The following DMD variants were observed in gnomAD, a reference collection of about 807,000 sequenced individuals.
The protein encoded by DMD is dystrophin, also known as mutant dystrophin.
In DMD, 63 loss-of-function variants were observed where a neutral mutation model predicts 330.1. That is an observed-to-expected ratio of 0.19 (90% CI 0.16 to 0.24). The LOEUF (loss-of-function observed/expected upper bound fraction) is 0.24. Ranked by LOEUF, DMD falls within the 10% of genes least tolerant of loss-of-function variation. The pLI, the probability that DMD is intolerant of heterozygous loss-of-function variation, is 1.00. For synonymous variants in DMD, 1,223 were observed against 959.8 expected (o/e 1.27, Z -5.07); for missense variants, 3,344 against 2,684.1 (o/e 1.25, Z -5.43).
chrX:31,756,146 C>G (rs748463419), intron 51 of DMD, among the ~76,000 whole-genome samples: 5 of 110,894 alleles, frequency 4.5e-5, no homozygotes, highest in Non-Finnish European at 9.4e-5. Flanking sequence ...TCATTGCCTC[C>G]CACCCTCTGG....
At chrX:32,799,259 T>C (rs977415176) in intron 7 of DMD, among the ~76,000 whole-genome samples, 1 of 110,975 alleles carries the variant, frequency 9.0e-6, no homozygotes, top group Non-Finnish European at 1.9e-5. Flanking sequence ...GAAGTCAAAA[T>C]AAAGGGGATT....
At chrX:31,337,157 T>A (rs2057452142) in intron 61 of DMD, among the ~76,000 whole-genome samples, 1 of 109,985 alleles carries the variant, frequency 9.1e-6, no homozygotes, top group South Asian at 3.9e-4. Flanking sequence ...ACTCCTGACC[T>A]CGTGATCCGC....
At chrX:33,133,127 A>T (rs989334494) in intron 1 of DMD, among the ~76,000 whole-genome samples, 1 of 103,191 alleles carries the variant, frequency 9.7e-6, no homozygotes, top group African/African-American at 4.2e-5. Flanking sequence ...GTAGTGGTTA[A>T]AAAAAAAGCA....
chrX:32,602,518 T>C (rs1276319806), intron 12 of DMD, among the ~76,000 whole-genome samples: 1 of 111,756 alleles, frequency 8.9e-6, no homozygotes, highest in African/African-American at 3.2e-5. Context: ...AATATAGTTG[T>C]GAAATTCAGT....
chrX:31,260,174 C>T (rs949349793), intron 63 of DMD, among the ~76,000 whole-genome samples: 1 of 111,316 alleles, frequency 9.0e-6, no homozygotes, highest in Non-Finnish European at 1.9e-5. Flanking sequence ...CCCAGGGGTT[C>T]GAGGCTGCAA....
chrX:32,625,416 T>C (rs1336376461), intron 11 of DMD, among the ~76,000 whole-genome samples: 1 of 111,470 alleles, frequency 9.0e-6, no homozygotes, highest in East Asian at 2.8e-4. Context: ...GCTGCAATAT[T>C]GGACAGCACA....
intron 1 of DMD, among the ~76,000 whole-genome samples, chrX:33,054,060 A>G (rs182590079): frequency 9.5e-4 from 106 of 112,049 alleles, no homozygotes; most frequent in African/African-American, 3.3e-3. Context: ...AGTTTGAAGA[A>G]GGGAACGTGG....
chrX:31,499,056 G>C (rs1016284496), intron 56 of DMD, among the ~76,000 whole-genome samples: 2 of 111,731 alleles, frequency 1.8e-5, no homozygotes, highest in African/African-American at 6.5e-5. Context: ...GTCCCTTTGA[G>C]AGTGAAAAGA....
rs1365572889 is a variant in DMD at position 31,121,626 on chromosome X, A to ATAAC, written c.*289_*292dup. The ATAAC allele has an allele frequency of 5.6e-6, 2 of 355,385 alleles. No individual in the cohort carries two copies. The highest frequency in any genetic ancestry group is 6.5e-5 in the South Asian group (1 of 15,364). 29.3% of individuals were successfully genotyped at this position (355,385 alleles called of 1,213,427 possible). A position where few individuals can be genotyped will look rare whatever the true frequency, so the allele number is the denominator to read the frequency against. On this transcript the variant is annotated 3_prime_UTR_variant, in exon 79 of 79. Transcript: ENST00000357033. ...TCAAGATTTTACATGTAGTTTTCTT[A>ATAAC]TAACTTTTTTGTACAATTGCATAGA...
At position 32,411,863 on chromosome X, in the gene DMD, C is replaced by G. The variant is rs1368774604; in HGVS notation, c.4122G>C (p.Glu1374Asp). The G allele has an allele frequency of 8.3e-7, 1 of 1,210,984 alleles. No homozygotes were observed. Among genetic ancestry groups the G allele is most frequent in the South Asian group, 1.8e-5 (1 of 56,942 alleles). Reference protein sequence around the residue: ...LLEQSIQSAQETEKSLHLIQE... With the variant: ...LLEQSIQSAQDTEKSLHLIQE... ...GGATTAAGTGTAAGGATTTTTCAGT[C>G]TCCTGGGCAGACTGGATGCTCTGTT... The change falls in exon 30 of 79, where the codon GAG becomes GAC. Residue 1374 changes from glutamate (E) to aspartate (D), a missense_variant. Coordinates refer to ENST00000357033, the MANE Select transcript of DMD (RefSeq NM_004006.3).
chrX:31,968,470 T>C lies in DMD; in HGVS notation c.6483A>G (p.Thr2161=), dbSNP rs776054222. The change falls in exon 45 of 79, where the codon ACA becomes ACG. Residue 2161 remains threonine, a synonymous_variant. Transcript: ENST00000357033. ...TTATTTCTTCCCCAGTTGCATTCAA[T>C]GTTCTGACAACAGTTTGCCGCTGCC... ...GIGQRQTVVR[T]LNATGEEIIQ... is the part of the protein sequence containing the mutation. The C allele has an allele frequency of 1.5e-5, 18 of 1,209,290 alleles. No individual in the cohort carries two copies. The highest frequency in any genetic ancestry group is 2.0e-5 in the Non-Finnish European group (18 of 894,656).
rs73219235 is a variant in DMD, at chrX:32,176,115, A to G, written c.6438+40801T>C. ...GAATGCTTTGCCCCTACATCATTACATGGCTGACTCTAGTTTGTCCATCAG... is the reference window on the plus strand; with the variant it reads ...GAATGCTTTGCCCCTACATCATTACGTGGCTGACTCTAGTTTGTCCATCAG... On this transcript the variant is annotated intron_variant, in intron 44 of 78. Coordinates refer to ENST00000357033, the MANE Select transcript of DMD (RefSeq NM_004006.3). 6.3e-3 allele frequency among the ~76,000 whole-genome samples: 710 copies of G among 112,083 alleles called. 3 individuals are homozygous for G. The highest frequency in any genetic ancestry group is 7.5e-3 in the Non-Finnish European group (400 of 53,218).
At chrX:32,718,765 T>C (rs2065971867) in intron 7 of DMD, among the ~76,000 whole-genome samples, 1 of 112,194 alleles carries the variant, frequency 8.9e-6, no homozygotes, top group Non-Finnish European at 1.9e-5. Context: ...CATAAAAACA[T>C]CAATTAAATG....
At chrX:33,210,919 G>A (rs1389103052) in intron 1 of DMD, among the ~76,000 whole-genome samples, 1 of 111,039 alleles carries the variant, frequency 9.0e-6, no homozygotes, top group East Asian at 2.8e-4. Flanking sequence ...ACTAAATACG[G>A]AAGTATCAAC....
Position 32,363,054 on chromosome X carries a change from C to A in DMD, c.5155-96G>T. On this transcript the variant is annotated intron_variant, in intron 36 of 78. Transcript: ENST00000357033. ...CAAACAGAGCGAGTGAGCAAGTGAG[C>A]GAGAAGAGTGAGAAAGAGAGAGAGA... is the stretch of plus-strand genomic sequence containing the variant. 4.9e-6 allele frequency: 4 copies of A among 823,739 alleles called. 1 individual carries two copies. The highest frequency in any genetic ancestry group is 3.5e-5 in the East Asian group (1 of 28,848). 67.9% of individuals were successfully genotyped at this position (823,739 alleles called of 1,213,427 possible). A position where few individuals can be genotyped will look rare whatever the true frequency, so the allele number is the denominator to read the frequency against.
At chrX:32,085,129 G>A (rs2096421247) in intron 44 of DMD, among the ~76,000 whole-genome samples, 1 of 111,033 alleles carries the variant, frequency 9.0e-6, no homozygotes, top group Non-Finnish European at 1.9e-5. Context: ...CAACTTGAGA[G>A]GTGAGATACT....
chrX:32,797,660 A>C (rs2148667739), intron 7 of DMD, among the ~76,000 whole-genome samples: 1 of 112,104 alleles, frequency 8.9e-6, no homozygotes, highest in Admixed American at 9.4e-5. Context: ...GACTAGGAAA[A>C]CCATCCACAA....
chrX:31,775,685 T>C (rs1398150634), intron 50 of DMD, among the ~76,000 whole-genome samples: 3 of 111,343 alleles, frequency 2.7e-5, no homozygotes, highest in African/African-American at 6.5e-5. Flanking sequence ...TCTAAGAATA[T>C]TAAAAAAAAA....
At chrX:32,629,569 C>T (rs2058597263) in intron 11 of DMD, among the ~76,000 whole-genome samples, 1 of 110,551 alleles carries the variant, frequency 9.0e-6, no homozygotes, top group South Asian at 3.8e-4. Context: ...TTTGCTATTT[C>T]CTTTCTGGTT....
Sources: gnomAD v4.1 joint callset for allele counts (sites outside exome capture counted in the v4.1 genomes callset) on GRCh38, gnomAD v4.1.1 for gene constraint, MANE v1.5 for transcripts, NCBI Gene and HGNC (gene_info 2026-07-23, HGNC 2026-07-21) for gene names.